SLC13A3: variants seen among roughly 807,000 people sequenced by gnomAD.
SLC13A3 encodes Na(+)/dicarboxylate cotransporter 3.
In SLC13A3, 40 loss-of-function variants were observed where a neutral mutation model predicts 59.0. The observed-to-expected ratio is 0.68, with a 90% CI of 0.53 to 0.88. The LOEUF is 0.88. Ranked by LOEUF, SLC13A3 falls within the 40% of genes least tolerant of loss-of-function variation. SLC13A3 has a pLI of 0.00. For missense variants in SLC13A3, 699 were observed against 783.2 expected, an observed-to-expected ratio of 0.89 and a Z score of 1.28; for synonymous variants, 317 against 330.3, an observed-to-expected ratio of 0.96 and a Z score of 0.44.
At chr20:46,582,372 C>T (rs1169125841) in intron 9 of SLC13A3, among the ~76,000 whole-genome samples, 1 of 151,960 alleles carries the variant, frequency 6.6e-6, no homozygotes, top group Non-Finnish European at 1.5e-5. Context: ...AAGCAATCCA[C>T]CCGCCTCAGC....
intron 1 of SLC13A3, among the ~76,000 whole-genome samples, chr20:46,678,655 T>C (rs1169387860): frequency 6.6e-6 from 1 of 152,194 alleles, no homozygotes; most frequent in African/African-American, 2.4e-5. Flanking sequence ...TTCTTACATC[T>C]TCTCACCTTC....
chr20:46,574,195 A>T (rs2062052917), intron 10 of SLC13A3, among the ~76,000 whole-genome samples: 1 of 152,178 alleles, frequency 6.6e-6, no homozygotes, highest in Non-Finnish European at 1.5e-5. Context: ...CACTTCAAAC[A>T]ATGGCTGGCA....
In SLC13A3 at chr20:46,649,248, T is replaced by G. The variant is rs537853337; in HGVS notation, c.111+2063A>C. Reference sequence around the variant, plus strand: ...CATCCCAGGGGCTCTCCCTGTTATCTCTCCCTGCTTTCCATTCAGTTGTGC... The same window carrying G: ...CATCCCAGGGGCTCTCCCTGTTATCGCTCCCTGCTTTCCATTCAGTTGTGC... On this transcript the variant is annotated intron_variant, in intron 1 of 12. Coordinates refer to ENST00000279027, the MANE Select transcript of SLC13A3 (RefSeq NM_022829.6). 1.1e-4 allele frequency among the ~76,000 whole-genome samples: 16 copies of G among 152,242 alleles called. No homozygotes were observed. In the East Asian group the frequency reaches 3.1e-3, roughly 29 times the overall value.
chr20:46,670,722 G>C (rs145831767), upstream of SLC13A3, among the ~76,000 whole-genome samples: 1 of 152,272 alleles, frequency 6.6e-6, no homozygotes, highest in Non-Finnish European at 1.5e-5. Flanking sequence ...TGGAGCAGAA[G>C]AACCACCCAA....
chr20:46,614,275 G>C (rs755756479), intron 1 of SLC13A3, among the ~76,000 whole-genome samples: 1 of 152,198 alleles, frequency 6.6e-6, no homozygotes, highest in Non-Finnish European at 1.5e-5. Flanking sequence ...AACCCTGGGG[G>C]ACAGGGCATA....
At chr20:46,668,910 G>T (rs188213954) in intron 1 of SLC13A3, among the ~76,000 whole-genome samples, 1 of 152,334 alleles carries the variant, frequency 6.6e-6, no homozygotes, top group East Asian at 1.9e-4. Context: ...TAAGCCTATT[G>T]TTGAGATATA....
chr20:46,594,975 G>A (rs370556085), intron 5 of SLC13A3, among the ~76,000 whole-genome samples: 7 of 152,084 alleles, frequency 4.6e-5, no homozygotes, highest in South Asian at 4.2e-4. Flanking sequence ...AACCTCTCTC[G>A]GGGAGATCAG....
intron 1 of SLC13A3, among the ~76,000 whole-genome samples, chr20:46,680,897 A>G (rs2063150904): frequency 6.6e-6 from 1 of 152,216 alleles, no homozygotes; most frequent in East Asian, 1.9e-4. Context: ...TCCACCATGC[A>G]GCACCACTGT....
chr20:46,673,939 A>T (rs1168690604), upstream of SLC13A3, among the ~76,000 whole-genome samples: 1 of 152,234 alleles, frequency 6.6e-6, no homozygotes, highest in Non-Finnish European at 1.5e-5. Flanking sequence ...GGTGCTGGGG[A>T]TACAACAGTG....
chr20:46,672,259 G>A (rs143642951), upstream of SLC13A3, among the ~76,000 whole-genome samples: 5 of 152,318 alleles, frequency 3.3e-5, no homozygotes, highest in African/African-American at 7.2e-5. Flanking sequence ...CCCAACATTT[G>A]GTAACCCTCA....
At chr20:46,656,332 C>G (rs1200433198), upstream of SLC13A3, among the ~76,000 whole-genome samples, 1 of 114,152 alleles carries the variant, frequency 8.8e-6, no homozygotes, top group East Asian at 2.4e-4. Context: ...ATATGATATA[C>G]TATACAGTAT....
intron 1 of SLC13A3, among the ~76,000 whole-genome samples, chr20:46,648,608 T>C (rs1433242048): frequency 6.6e-6 from 1 of 152,112 alleles, no homozygotes; most frequent in African/African-American, 2.4e-5. Context: ...GAAGAGCATG[T>C]AAGGCACAGC....
chr20:46,643,506 G>T (rs2062865410), intron 1 of SLC13A3, among the ~76,000 whole-genome samples: 1 of 152,170 alleles, frequency 6.6e-6, no homozygotes, highest in African/African-American at 2.4e-5. Context: ...TATTTAAGGA[G>T]CAGTAAGAAA....
chr20:46,645,602 C>T (rs948824759), intron 1 of SLC13A3, among the ~76,000 whole-genome samples: 1 of 152,206 alleles, frequency 6.6e-6, no homozygotes, highest in African/African-American at 2.4e-5. Context: ...GGTTACCTCC[C>T]TTCTAATCCT....
intron 1 of SLC13A3, among the ~76,000 whole-genome samples, chr20:46,647,554 G>A (rs2062907263): frequency 6.6e-6 from 1 of 152,134 alleles, no homozygotes; most frequent in Admixed American, 6.5e-5. Flanking sequence ...ACTCTTCATA[G>A]CAAGAGCTAG....
At chr20:46,564,800 A>G (rs1381364439) in intron 11 of SLC13A3, among the ~76,000 whole-genome samples, 1 of 152,244 alleles carries the variant, frequency 6.6e-6, no homozygotes, top group Non-Finnish European at 1.5e-5. Flanking sequence ...GTTGAGTAAC[A>G]GCAAAGTCTG....
chr20:46,603,521 T>A (rs1467357194), intron 3 of SLC13A3, among the ~76,000 whole-genome samples: 3 of 151,268 alleles, frequency 2.0e-5, no homozygotes, highest in Non-Finnish European at 4.4e-5. Context: ...ACCACAGGCA[T>A]GTGCCACCAT....
At chr20:46,602,880 T>C (rs1004143231) in intron 3 of SLC13A3, among the ~76,000 whole-genome samples, 5 of 152,102 alleles carry the variant, frequency 3.3e-5, no homozygotes, top group African/African-American at 1.2e-4. Flanking sequence ...GTTAAGAGGA[T>C]TAAAGAGTTA....
At chr20:46,666,572 C>T (rs557839899) in intron 1 of SLC13A3, among the ~76,000 whole-genome samples, 18 of 152,066 alleles carry the variant, frequency 1.2e-4, no homozygotes, top group South Asian at 4.2e-4. Flanking sequence ...CGTGTGATCA[C>T]GGCTCACTGC....
Sources: gnomAD v4.1 joint callset for allele counts (sites outside exome capture counted in the v4.1 genomes callset) on GRCh38, gnomAD v4.1.1 for gene constraint, MANE v1.5 for transcripts, NCBI Gene and HGNC (gene_info 2026-07-23, HGNC 2026-07-21) for gene names.